Variants in TMEM164 observed in about 807,000 individuals in gnomAD.
TMEM164 encodes the protein RP13-360B22.2.
Under a neutral mutation model 18.8 loss-of-function variants are expected in TMEM164, and 4 were observed. The ratio of observed to expected loss-of-function variants is 0.21; its 90% confidence interval spans 0.10 to 0.49. The LOEUF is 0.49. Ranked by LOEUF, TMEM164 falls within the 20% of genes least tolerant of loss-of-function variation. The pLI is 0.98. For synonymous variants in TMEM164, 86 were observed against 101.7 expected, an observed-to-expected ratio of 0.85 and a Z score of 0.93; for missense variants, 108 against 239.9, an observed-to-expected ratio of 0.45 and a Z score of 3.63.
At chrX:110,129,177 G>A (rs2066577506) in intron 4 of TMEM164, among the ~76,000 whole-genome samples, 1 of 112,237 alleles carries the variant, frequency 8.9e-6, no homozygotes, top group African/African-American at 3.2e-5. Context: ...ATGATGGCTG[G>A]CTTGCCGTTC....
chrX:110,129,122 G>T (rs939349576), intron 4 of TMEM164, among the ~76,000 whole-genome samples: 1 of 111,637 alleles, frequency 9.0e-6, no homozygotes, highest in African/African-American at 3.3e-5. Flanking sequence ...CTGACCTCAG[G>T]TTTTTTGATT....
In TMEM164 at chrX:110,062,505, T is replaced by C. The variant is rs912246997; in HGVS notation, c.391-4842T>C. 7.2e-5 allele frequency among the ~76,000 whole-genome samples: 8 copies of C among 111,531 alleles called. 1 individual carries two copies. The Admixed American group carries it at 7.7e-4, about 11-fold the overall frequency. ...AATTTTTCTGGAGGGCAGTTTAGCA[T>C]TATGGGTCAAAAGCCTTCAAATGGA... On this transcript the variant is annotated intron_variant, in intron 2 of 6. Coordinates refer to ENST00000372068, the MANE Select transcript of TMEM164 (RefSeq NM_032227.4).
At position 110,098,587 on chromosome X, in the gene TMEM164, C is replaced by T. The variant is rs180981610; in HGVS notation, c.441-10493C>T. Among the ~76,000 whole-genome samples, 323 of 111,093 alleles carry T rather than the reference C, an allele frequency of 2.9e-3. 3 individuals carry two copies. The highest frequency in any genetic ancestry group is 0.01 in the African/African-American group (311 of 30,600). On this transcript the variant is annotated intron_variant, in intron 3 of 6. Coordinates refer to ENST00000372068, the MANE Select transcript of TMEM164 (RefSeq NM_032227.4). ...TCCTACCAACAGTGTATGAAAATTC[C>T]GGTTTCTGCACATTGCTATTGTCTT...
intron 2 of TMEM164, among the ~76,000 whole-genome samples, chrX:110,012,838 A>C: frequency 8.9e-6 from 1 of 111,909 alleles, no homozygotes; most frequent in Middle Eastern, 4.6e-3. Context: ...TCCTGAAGGG[A>C]AGGGTTTGGG....
intron 1 of TMEM164, 77 bp from the exon 2 acceptor site, chrX:110,003,424 C>G (rs1932459362): frequency 5.7e-6 from 1 of 175,167 alleles, no homozygotes; most frequent in Admixed American, 7.5e-5. Flanking sequence ...CGCTAGTTAC[C>G]CCTCCCGCTT....
At chrX:110,139,350 G>A (rs745935012) in intron 4 of TMEM164, among the ~76,000 whole-genome samples, 1 of 111,139 alleles carries the variant, frequency 9.0e-6, no homozygotes, top group South Asian at 3.9e-4. Flanking sequence ...AGGTATGGAG[G>A]TGGGAGCTTA....
rs574118132 is a variant in TMEM164 at position 110,037,515 on chromosome X, G to T, written c.391-29832G>T. Among the ~76,000 whole-genome samples, 4 of 112,090 alleles carry T rather than the reference G, an allele frequency of 3.6e-5. No homozygotes were observed. The East Asian group carries it at 8.4e-4, about 23-fold the overall frequency. Reference sequence around the variant, plus strand: ...GCTTCCAGTTATTGTGTGCCTTCCTGTGGTTCAGATATACACCACCATATA... The same window carrying T: ...GCTTCCAGTTATTGTGTGCCTTCCTTTGGTTCAGATATACACCACCATATA... On this transcript the variant is annotated intron_variant, in intron 2 of 6. Coordinates refer to ENST00000372068, the MANE Select transcript of TMEM164 (RefSeq NM_032227.4).
At chrX:110,150,755 A>G (rs2066927417) in intron 5 of TMEM164, among the ~76,000 whole-genome samples, 1 of 112,211 alleles carries the variant, frequency 8.9e-6, no homozygotes, top group Non-Finnish European at 1.9e-5. Flanking sequence ...TGTTTTGCTT[A>G]GCAATATTTC....
intron 4 of TMEM164, among the ~76,000 whole-genome samples, chrX:110,122,527 TA>T (rs1476454886): frequency 9.2e-6 from 1 of 108,549 alleles, no homozygotes; most frequent in Non-Finnish European, 1.9e-5. Context: ...TATACATATG[TA>T]ACCTGCACAT....
chrX:110,078,485 C>T (rs2065704950), intron 3 of TMEM164, among the ~76,000 whole-genome samples: 1 of 111,984 alleles, frequency 8.9e-6, no homozygotes, highest in South Asian at 3.7e-4. Flanking sequence ...GGATCCATTG[C>T]TGTGGAGCTA....
chrX:110,102,867 T>C (rs1351367071), intron 3 of TMEM164, among the ~76,000 whole-genome samples: 1 of 112,525 alleles, frequency 8.9e-6, no homozygotes, highest in African/African-American at 3.2e-5. Flanking sequence ...GTTATTTCAC[T>C]TCTTGCCTTC....
intron 2 of TMEM164, among the ~76,000 whole-genome samples, chrX:110,047,415 C>G (rs1935361010): frequency 8.9e-6 from 1 of 112,171 alleles, no homozygotes; most frequent in Non-Finnish European, 1.9e-5. Flanking sequence ...GTGTTTCCTT[C>G]TAAAGAGACC....
chrX:110,171,634 G>A, intron 6 of TMEM164, 114 bp downstream of exon 6: 2 of 631,883 alleles, frequency 3.2e-6, no homozygotes, highest in Non-Finnish European at 2.7e-6. Context: ...GATGCTAAAG[G>A]CCAGGATGTC....
chrX:110,130,482 T>C (rs1043104528), intron 4 of TMEM164, among the ~76,000 whole-genome samples: 1 of 111,904 alleles, frequency 8.9e-6, no homozygotes, highest in African/African-American at 3.2e-5. Flanking sequence ...TGCCATGTAC[T>C]AACAATTACT....
At chrX:110,024,241 T>G (rs1434758195) in intron 2 of TMEM164, among the ~76,000 whole-genome samples, 3 of 111,976 alleles carry the variant, frequency 2.7e-5, no homozygotes, top group African/African-American at 9.8e-5. Flanking sequence ...TTCAGTGAGC[T>G]TCTTGCTAAC....
chrX:110,020,616 C>G lies in TMEM164; in HGVS notation c.390+16452C>G, dbSNP rs1195953620. The G allele has an allele frequency of 9.3e-6, 7 of 752,486 alleles. No homozygotes were observed. The Admixed American group carries it at 2.6e-4, about 28-fold the overall frequency. 62.0% of individuals were successfully genotyped at this position (752,486 alleles called of 1,213,427 possible). On this transcript the variant is annotated intron_variant, in intron 2 of 6. Transcript: ENST00000372068. The stretch of plus-strand genomic sequence containing the variant: ...GTTTCAGAAGGCAGGAGCTGGTCCT[C>G]TATGTCATGAAATGTAGAGGGTGAG...
intron 4 of TMEM164, among the ~76,000 whole-genome samples, chrX:110,126,068 C>T (rs2066524162): frequency 8.9e-6 from 1 of 112,097 alleles, no homozygotes; most frequent in Admixed American, 9.5e-5. Context: ...CTCATCTAGA[C>T]CAGGAGTGTG....
intron 4 of TMEM164, among the ~76,000 whole-genome samples, chrX:110,115,299 C>G (rs1044908806): frequency 1.8e-5 from 2 of 112,405 alleles, no homozygotes; most frequent in Non-Finnish European, 3.7e-5. Context: ...GATTTTGGAC[C>G]TGAACTGAGG....
intron 2 of TMEM164, among the ~76,000 whole-genome samples, chrX:110,044,236 A>G (rs945961704): frequency 1.8e-5 from 2 of 112,801 alleles, no homozygotes; most frequent in Admixed American, 1.9e-4. Context: ...ATTCCTTCAC[A>G]TGTCTTTAGG....
Sources: allele counts gnomAD v4.1 joint callset (sites outside exome capture counted in the v4.1 genomes callset), GRCh38; gene constraint gnomAD v4.1.1; transcripts MANE v1.5; gene names NCBI Gene and HGNC (gene_info 2026-07-23, HGNC 2026-07-21).